The following SCAPER variants were observed in gnomAD, a reference collection of about 807,000 sequenced individuals.
The protein encoded by SCAPER is S-phase cyclin A associated protein in the ER.
Under a neutral mutation model 182.2 loss-of-function variants are expected in SCAPER, and 98 were observed. That is an observed-to-expected ratio of 0.54 (90% CI 0.46 to 0.64). SCAPER has a LOEUF of 0.64. SCAPER is among the 30% of genes least tolerant of loss of function. The pLI, the probability that SCAPER is intolerant of heterozygous loss-of-function variation, is 0.00. For synonymous variants in SCAPER, 605 were observed against 564.6 expected (o/e 1.07, Z -1.01); for missense variants, 1,432 against 1,690.0 (o/e 0.85, Z 2.68).
intron 29 of SCAPER, among the ~76,000 whole-genome samples, chr15:76,367,842 A>G (rs567863020): frequency 6.6e-6 from 1 of 152,302 alleles, no homozygotes; most frequent in South Asian, 2.1e-4. Context: ...CAGCCAGTTC[A>G]CTCATCAGAA....
intron 26 of SCAPER, among the ~76,000 whole-genome samples, chr15:76,413,211 T>C (rs2045417478): frequency 6.6e-6 from 1 of 152,204 alleles, no homozygotes; most frequent in Non-Finnish European, 1.5e-5. Context: ...TTACAAACTT[T>C]ATGCCTTTTC....
chr15:76,585,625 A>G (rs1224931982), intron 22 of SCAPER, among the ~76,000 whole-genome samples: 1 of 152,204 alleles, frequency 6.6e-6, no homozygotes, highest in African/African-American at 2.4e-5. Context: ...ATTTTAATTC[A>G]CAGAATACAA....
chr15:76,891,031 A>G (rs1478430384), intron 1 of SCAPER, among the ~76,000 whole-genome samples: 1 of 152,194 alleles, frequency 6.6e-6, no homozygotes, highest in African/African-American at 2.4e-5. Context: ...AAATCAATAA[A>G]CGTAATCCAT....
At chr15:76,487,174 G>A (rs2051733396) in intron 24 of SCAPER, among the ~76,000 whole-genome samples, 1 of 152,112 alleles carries the variant, frequency 6.6e-6, no homozygotes, top group African/African-American at 2.4e-5. Context: ...ACACACTGGG[G>A]CCTATTGGAG....
At chr15:76,376,395 A>C in intron 28 of SCAPER, 84 bp from the exon 29 acceptor site, 1 of 1,399,698 alleles carries the variant, frequency 7.1e-7, no homozygotes. Context: ...GGCCCTGTGT[A>C]CTTTCTGCCA....
intron 2 of SCAPER, among the ~76,000 whole-genome samples, chr15:76,881,897 T>A (rs1243618983): frequency 6.6e-6 from 1 of 152,114 alleles, no homozygotes; most frequent in Non-Finnish European, 1.5e-5. Context: ...ATTAGCACAA[T>A]TTAAAAAAAT....
chr15:76,373,468 C>G (rs772760091), intron 29 of SCAPER, among the ~76,000 whole-genome samples: 4 of 152,082 alleles, frequency 2.6e-5, no homozygotes, highest in Non-Finnish European at 5.9e-5. Flanking sequence ...GATGATTTCC[C>G]TCAACTTTCC....
At chr15:76,407,231 C>G (rs1368502108) in intron 26 of SCAPER, among the ~76,000 whole-genome samples, 1 of 152,138 alleles carries the variant, frequency 6.6e-6, no homozygotes, top group Non-Finnish European at 1.5e-5. Flanking sequence ...GCCTATTGTT[C>G]CCAGGCTACA....
intron 21 of SCAPER, among the ~76,000 whole-genome samples, chr15:76,623,109 G>A (rs1048610051): frequency 3.3e-5 from 5 of 152,024 alleles, no homozygotes; most frequent in Admixed American, 1.3e-4. Context: ...TTTGGTTTTT[G>A]CTTATTCAAT....
At chr15:76,808,941 G>A (rs1274529610) in intron 5 of SCAPER, among the ~76,000 whole-genome samples, 2 of 152,182 alleles carry the variant, frequency 1.3e-5, no homozygotes, top group Non-Finnish European at 2.9e-5. Flanking sequence ...TGAGAAATAA[G>A]AAACTGGAAC....
At chr15:76,754,537 T>C (rs1017105419) in intron 14 of SCAPER, among the ~76,000 whole-genome samples, 5 of 152,124 alleles carry the variant, frequency 3.3e-5, no homozygotes, top group African/African-American at 1.2e-4. Context: ...TTTGATGTTA[T>C]TTTAAGAAAT....
chr15:76,383,769 C>A lies in SCAPER; in HGVS notation c.3468-2154G>T, dbSNP rs1249760462. The stretch of plus-strand genomic sequence containing the variant: ...TAGGGTCAGTGCTTTGTCCATGGAC[C>A]AAAATATCCAGGTCAAACGGAGGCT... On this transcript the variant is annotated intron_variant, in intron 27 of 31. Transcript: ENST00000563290. Among the ~76,000 whole-genome samples the A allele has an allele frequency of 2.6e-5, 4 of 152,172 alleles. No individual in the cohort carries two copies. The East Asian group carries it at 7.7e-4, about 29-fold the overall frequency.
At chr15:76,646,072 T>C (rs1888816348) in intron 21 of SCAPER, among the ~76,000 whole-genome samples, 1 of 152,150 alleles carries the variant, frequency 6.6e-6, no homozygotes, top group Non-Finnish European at 1.5e-5. Context: ...GACCTGTGTG[T>C]TTATCCATAT....
intron 17 of SCAPER, among the ~76,000 whole-genome samples, chr15:76,717,341 A>G (rs1178430088): frequency 1.3e-5 from 2 of 152,182 alleles, no homozygotes; most frequent in Non-Finnish European, 2.9e-5. Context: ...CACATAAAGT[A>G]TAAGACTCAC....
chr15:76,879,489 T>C (rs1279950905), intron 2 of SCAPER, among the ~76,000 whole-genome samples: 2 of 152,164 alleles, frequency 1.3e-5, no homozygotes, highest in Non-Finnish European at 2.9e-5. Flanking sequence ...GAAAAGACTC[T>C]CCTACTGGCC....
chr15:76,436,960 A>G (rs1028695812), intron 25 of SCAPER, among the ~76,000 whole-genome samples: 5 of 152,192 alleles, frequency 3.3e-5, no homozygotes, highest in African/African-American at 1.2e-4. Context: ...AGTGTATAAC[A>G]TGGTGCCCAT....
intron 22 of SCAPER, among the ~76,000 whole-genome samples, chr15:76,584,207 G>A (rs1016619096): frequency 1.3e-5 from 2 of 150,964 alleles, no homozygotes; most frequent in African/African-American, 5.0e-5. Flanking sequence ...ATGTTTGGGA[G>A]CTAAAAATTA....
chr15:76,825,030 T>G (rs543678139), intron 5 of SCAPER, among the ~76,000 whole-genome samples: 1 of 152,142 alleles, frequency 6.6e-6, no homozygotes, highest in Admixed American at 6.5e-5. Flanking sequence ...TAAGAATAAA[T>G]AGACAAAAAT....
At chr15:76,471,930 T>G (rs1473128350) in intron 24 of SCAPER, among the ~76,000 whole-genome samples, 4 of 152,066 alleles carry the variant, frequency 2.6e-5, no homozygotes, top group Non-Finnish European at 5.9e-5. Flanking sequence ...AAGGTCAAAC[T>G]GATCAAAGAA....
Sources: allele counts gnomAD v4.1 joint callset (sites outside exome capture counted in the v4.1 genomes callset), GRCh38; gene constraint gnomAD v4.1.1; transcripts MANE v1.5; gene names NCBI Gene and HGNC (gene_info 2026-07-23, HGNC 2026-07-21).